The following PUM2 variants were observed in gnomAD, a reference collection of about 807,000 sequenced individuals.
PUM2 encodes pumilio homolog 2.
In PUM2, 57 loss-of-function variants were observed where a neutral mutation model predicts 124.5. The observed-to-expected ratio is 0.46, with a 90% confidence interval of 0.37 to 0.57. The LOEUF is 0.57. Among genes scored for constraint, PUM2 ranks in the 20% least tolerant of loss-of-function variants. The pLI is 0.00. For synonymous variants in PUM2, 460 were observed against 446.1 expected (o/e 1.03, Z -0.39); for missense variants, 1,065 against 1,290.6 (o/e 0.83, Z 2.68).
At chr2:20,302,720 A>G (rs1558594284) in intron 7 of PUM2, among the ~76,000 whole-genome samples, 7 of 152,262 alleles carry the variant, frequency 4.6e-5, no homozygotes. Flanking sequence ...AAGTTAAAGA[A>G]AGCAGTGACT....
At chr2:20,265,464 T>A (rs147280724) in intron 13 of PUM2, among the ~76,000 whole-genome samples, 152 of 152,352 alleles carry the variant, frequency 1.0e-3, no homozygotes, top group African/African-American at 3.5e-3. Flanking sequence ...TTCGTAACAA[T>A]AATTGATCAC....
intron 2 of PUM2, among the ~76,000 whole-genome samples, chr2:20,326,039 A>C (rs1237590687): frequency 6.6e-6 from 1 of 152,242 alleles, no homozygotes; most frequent in East Asian, 1.9e-4. Flanking sequence ...AGAGCAAAGA[A>C]AAGTAGTGGC....
chr2:20,256,180 A>C lies in PUM2; in HGVS notation c.2485-10T>G. 6.3e-7 allele frequency: 1 copy of C among 1,575,278 alleles called. No homozygotes were observed. Among genetic ancestry groups the C allele is most frequent in the Non-Finnish European group, 8.6e-7 (1 of 1,167,556 alleles). Reference sequence around the variant, plus strand: ...CCTTTACCATTTCACTCTGCAAAAGACAGGATGTCATTTAAATTATTACCT... The same window carrying C: ...CCTTTACCATTTCACTCTGCAAAAGCCAGGATGTCATTTAAATTATTACCT... On this transcript the variant is annotated splice_polypyrimidine_tract_variant and intron_variant, in intron 16 of 20. Coordinates refer to ENST00000361078, the MANE Select transcript of PUM2 (RefSeq NM_015317.5).
chr2:20,284,232 G>T (rs1354129024), intron 10 of PUM2, among the ~76,000 whole-genome samples: 2 of 152,210 alleles, frequency 1.3e-5, no homozygotes, highest in African/African-American at 4.8e-5. Context: ...ATACACTGTG[G>T]ATACTTCAGA....
intron 16 of PUM2, among the ~76,000 whole-genome samples, chr2:20,257,208 T>C (rs1665031958): frequency 6.6e-6 from 1 of 152,258 alleles, no homozygotes; most frequent in South Asian, 2.1e-4. Flanking sequence ...GTTTCTAAGC[T>C]TTTAAATAAT....
intron 16 of PUM2, 68 bp from the exon 17 acceptor site, chr2:20,256,238 G>A (rs1176008748): frequency 6.4e-6 from 9 of 1,396,920 alleles, no homozygotes; most frequent in Non-Finnish European, 8.5e-6. Context: ...TTTTATCTCA[G>A]TATTAAAAAT....
chr2:20,326,179 TC>T, intron 2 of PUM2: 1 of 1,142,752 alleles, frequency 8.8e-7, no homozygotes, highest in East Asian at 5.9e-5. Flanking sequence ...CTTCAATTTT[TC>T]TTAGGGTTGA....
intron 1 of PUM2, among the ~76,000 whole-genome samples, chr2:20,332,322 T>TGTGTGTGTGTGTGTG (rs3222066): frequency 1.2e-4 from 18 of 149,810 alleles, no homozygotes; most frequent in Non-Finnish European, 1.6e-4. Flanking sequence ...TGTGTGTGTG[T>TGTGTGTGTGTGTGTG]TTAAACGAAT....
chr2:20,324,912 A>G (rs1683302014), intron 2 of PUM2, among the ~76,000 whole-genome samples: 1 of 151,360 alleles, frequency 6.6e-6, no homozygotes, highest in African/African-American at 2.4e-5. Context: ...AGACAAGGGT[A>G]ATCTATTTTA....
Position 20,313,835 on chromosome 2 carries a change from C to CAAAA in PUM2, c.161-1416_161-1413dup, listed in dbSNP as rs35569645. 4.4e-3 allele frequency among the ~76,000 whole-genome samples: 243 copies of CAAAA among 55,008 alleles called. 6 individuals are homozygous for CAAAA. The highest frequency in any genetic ancestry group is 0.022 in the East Asian group (31 of 1,404). The allele number at this position is 55,008 out of a possible 152,430, so 36.1% of individuals were successfully genotyped here. The stretch of plus-strand genomic sequence containing the variant: ...TGGGTGACAGAGTGAGATCCTGTCT[C>CAAAA]AAAAAAAAAAAAAAAAAAAAAAAAA... On this transcript the variant is annotated intron_variant, in intron 3 of 20. Coordinates refer to ENST00000361078, the MANE Select transcript of PUM2 (RefSeq NM_015317.5).
At chr2:20,264,369 T>TATATATAC (rs1168000010) in intron 13 of PUM2, among the ~76,000 whole-genome samples, 61 of 33,358 alleles carry the variant, frequency 1.8e-3, no homozygotes, top group African/African-American at 7.1e-3. Context: ...AAAAAAAAAA[T>TATATATAC]ATATATATAT....
At chr2:20,350,899 C>G (rs987421278), upstream of PUM2, 11 of 588,820 alleles carry the variant, frequency 1.9e-5, no homozygotes, top group Middle Eastern at 8.2e-4. Context: ...GGAGGGGGAG[C>G]GCTCACCAAG....
At chr2:20,305,415 C>T (rs1195737471) in intron 7 of PUM2, among the ~76,000 whole-genome samples, 3 of 124,806 alleles carry the variant, frequency 2.4e-5, no homozygotes, top group Admixed American at 2.1e-4. Context: ...GAAGCTGAGG[C>T]TGTACCACTG....
chr2:20,274,654 C>T (rs1045282094), intron 13 of PUM2, among the ~76,000 whole-genome samples: 3 of 151,830 alleles, frequency 2.0e-5, no homozygotes, highest in Admixed American at 6.6e-5. Flanking sequence ...CACTTTAGCA[C>T]CCTTTTTGTT....
chr2:20,268,494 T>C (rs1315521047), intron 13 of PUM2, among the ~76,000 whole-genome samples: 1 of 152,258 alleles, frequency 6.6e-6, no homozygotes, highest in South Asian at 2.1e-4. Context: ...GGCGTACGCC[T>C]GTAGTCCCAG....
Position 20,249,789 on chromosome 2 carries a change from A to C in PUM2, c.*1796T>G, listed in dbSNP as rs1662865466. ...TATACAAAATACTGACTTCAACAAA[A>C]TACAAAGCACTTTCTTTATCTTTCA... On this transcript the variant is annotated 3_prime_UTR_variant, in exon 21 of 21. Coordinates refer to ENST00000361078, the MANE Select transcript of PUM2 (RefSeq NM_015317.5). 4 of 152,660 alleles carry C rather than the reference A, an allele frequency of 2.6e-5. No homozygotes were observed. Among genetic ancestry groups the C allele is most frequent in the Admixed American group, 2.6e-4 (4 of 15,288 alleles). 9.5% of individuals were successfully genotyped at this position (152,660 alleles called of 1,614,324 possible).
chr2:20,259,384 A>C (rs1228398135), intron 15 of PUM2, among the ~76,000 whole-genome samples: 1 of 152,212 alleles, frequency 6.6e-6, no homozygotes, highest in Non-Finnish European at 1.5e-5. Flanking sequence ...ATTTGTTTCC[A>C]AATCTTTTCC....
chr2:20,345,845 C>T (rs925666051), intron 1 of PUM2, among the ~76,000 whole-genome samples: 3 of 152,178 alleles, frequency 2.0e-5, no homozygotes, highest in Non-Finnish European at 4.4e-5. Flanking sequence ...GTACTCCAGC[C>T]TGGGCAACAA....
intron 9 of PUM2, among the ~76,000 whole-genome samples, chr2:20,291,613 T>G (rs532009093): frequency 6.6e-6 from 1 of 152,320 alleles, no homozygotes; most frequent in African/African-American, 2.4e-5. Context: ...TTCCTTTTCT[T>G]TCCTCTTCTT....
Sources: allele counts gnomAD v4.1 joint callset (sites outside exome capture counted in the v4.1 genomes callset), GRCh38; gene constraint gnomAD v4.1.1; transcripts MANE v1.5; gene names NCBI Gene and HGNC (gene_info 2026-07-23, HGNC 2026-07-21).